Variants in PFDN4 observed in about 807,000 individuals in gnomAD.
PFDN4 encodes prefoldin subunit 4.
A neutral mutation model predicts 17.6 loss-of-function variants in PFDN4; 6 were observed. The observed-to-expected ratio is 0.34, with a 90% confidence interval of 0.19 to 0.67. The LOEUF is 0.67. Ranked by LOEUF, PFDN4 falls within the 30% of genes least tolerant of loss-of-function variation. The pLI is 0.68. For synonymous variants in PFDN4, 48 were observed against 51.1 expected (o/e 0.94, Z 0.26); for missense variants, 119 against 158.4 (o/e 0.75, Z 1.33).
intron 3 of PFDN4, among the ~76,000 whole-genome samples, chr20:54,218,449 A>G (rs6091836): frequency 0.28 from 42,270 of 152,084 alleles, 6,020 homozygotes; most frequent in South Asian, 0.38. Context: ...TAACATGTCT[A>G]TCACCTCAAA....
rs758861080 is a variant in PFDN4, at chr20:54,219,005, TA to T, written c.274-13del. On this transcript the variant is annotated splice_polypyrimidine_tract_variant and intron_variant, in intron 3 of 3. Coordinates refer to ENST00000371419, the MANE Select transcript of PFDN4 (RefSeq NM_002623.4). The stretch of plus-strand genomic sequence containing the variant: ...CCTATTGAATAGAATTAATTTAAAA[TA>T]TTTTTTTTCCAGAAAAATTTGCAAG... 7 of 1,432,918 alleles carry T rather than the reference TA, an allele frequency of 4.9e-6. No homozygotes were observed. Among genetic ancestry groups the T allele is most frequent in the East Asian group, 5.1e-5 (2 of 39,494 alleles). 88.8% of individuals were successfully genotyped at this position (1,432,918 alleles called of 1,614,324 possible).
intron 3 of PFDN4, among the ~76,000 whole-genome samples, chr20:54,217,229 G>A (rs763165681): frequency 6.6e-6 from 1 of 152,106 alleles, no homozygotes; most frequent in African/African-American, 2.4e-5. Flanking sequence ...AGGGCTCCCA[G>A]GGAAAGTGAT....
rs532788572 is a variant in PFDN4 at position 54,208,130 on chromosome 20, T to C, written c.24+6T>C. The C allele has an allele frequency of 5.6e-5, 87 of 1,554,398 alleles. 1 individual carries two copies. In the South Asian group the frequency reaches 7.7e-4, roughly 14 times the overall value. ...CGGCCACCATGAAGAAGGCGGTGAGTGGGGAGCTCGGGGCTCTGGATGCTC... is the reference window on the plus strand; with the variant it reads ...CGGCCACCATGAAGAAGGCGGTGAGCGGGGAGCTCGGGGCTCTGGATGCTC... On this transcript the variant is annotated splice_donor_region_variant and intron_variant, in intron 1 of 3. Coordinates refer to ENST00000371419, the MANE Select transcript of PFDN4 (RefSeq NM_002623.4).
chr20:54,214,737 G>A (rs2092760372), intron 2 of PFDN4, among the ~76,000 whole-genome samples: 1 of 152,148 alleles, frequency 6.6e-6, no homozygotes, highest in Non-Finnish European at 1.5e-5. Flanking sequence ...CCCAGAGTCA[G>A]CTGTCTTCCC....
intron 1 of PFDN4, among the ~76,000 whole-genome samples, chr20:54,210,213 G>T (rs116058974): frequency 5.4e-4 from 83 of 152,324 alleles, no homozygotes; most frequent in African/African-American, 1.9e-3. Context: ...GATGGGAAAA[G>T]AACTTATAGA....
intron 1 of PFDN4, among the ~76,000 whole-genome samples, chr20:54,212,172 G>A (rs1412979733): frequency 2.7e-5 from 4 of 148,376 alleles, no homozygotes; most frequent in East Asian, 2.0e-4. Context: ...CAGCCTGGGC[G>A]ACAGAGTGAG....
Position 54,212,038 on chromosome 20 carries a change from C to T in PFDN4, c.25-2313C>T, listed in dbSNP as rs535864432. Reference sequence around the variant, plus strand: ...TGAAACCCCTTCTCTACTAAAAATACGAAAATTAGCCGGACATGGTGGCAT... The same window carrying T: ...TGAAACCCCTTCTCTACTAAAAATATGAAAATTAGCCGGACATGGTGGCAT... On this transcript the variant is annotated intron_variant, in intron 1 of 3. Coordinates refer to ENST00000371419, the MANE Select transcript of PFDN4 (RefSeq NM_002623.4). Among the ~76,000 whole-genome samples, 297 of 152,116 alleles carry T rather than the reference C, an allele frequency of 2.0e-3. 10 individuals are homozygous for T. The South Asian group carries it at 0.06, about 31-fold the overall frequency.
rs563650122 is a variant in PFDN4, at chr20:54,208,155, C to T, written c.24+31C>T. On this transcript the variant is annotated intron_variant, in intron 1 of 3. Coordinates refer to ENST00000371419, the MANE Select transcript of PFDN4 (RefSeq NM_002623.4). ...TGGGGAGCTCGGGGCTCTGGATGCT[C>T]GGGCGGCGCCGGATCTCGGCCGCTG... 259 of 1,519,752 alleles carry T rather than the reference C, an allele frequency of 1.7e-4. No homozygotes were observed. In the East Asian group the frequency reaches 6.2e-3, roughly 36 times the overall value. The allele number at this position is 1,519,752 out of a possible 1,614,324, so 94.1% of individuals were successfully genotyped here.
At chr20:54,210,357 A>G (rs1393530576) in intron 1 of PFDN4, among the ~76,000 whole-genome samples, 2 of 152,210 alleles carry the variant, frequency 1.3e-5, no homozygotes, top group Non-Finnish European at 2.9e-5. Flanking sequence ...GCTTGCATGT[A>G]CACTTTTCCC....
chr20:54,208,104 G>A lies in PFDN4; in HGVS notation c.4G>A (p.Ala2Thr). The stretch of plus-strand genomic sequence containing the variant: ...CCTGCGGTAGTCCAGTCCCAAGATG[G>A]CGGCCACCATGAAGAAGGCGGTGAG... MAATMKKAAAED... is the reference protein window; with the variant it reads MTATMKKAAAED... The change falls in exon 1 of 4, where the codon GCG becomes ACG. Residue 2 changes from alanine (A) to threonine (T), a missense_variant. Coordinates refer to ENST00000371419, the MANE Select transcript of PFDN4 (RefSeq NM_002623.4). 1.3e-6 allele frequency: 2 copies of A among 1,554,920 alleles called. No homozygotes were observed. The highest frequency in any genetic ancestry group is 1.7e-6 in the Non-Finnish European group (2 of 1,149,524).
chr20:54,219,209 A>G lies in PFDN4; in HGVS notation c.*59A>G. 9.3e-7 allele frequency: 1 copy of G among 1,080,082 alleles called. No individual in the cohort carries two copies. Among genetic ancestry groups the G allele is most frequent in the East Asian group, 3.0e-5 (1 of 32,822 alleles). The allele number at this position is 1,080,082 out of a possible 1,614,324, so 66.9% of individuals were successfully genotyped here. Reference sequence around the variant, plus strand: ...AACTTGAATATTGTTTAAAATGATAATTTTCCTTCTTCAAATGACATGGAA... The same window carrying G: ...AACTTGAATATTGTTTAAAATGATAGTTTTCCTTCTTCAAATGACATGGAA... On this transcript the variant is annotated 3_prime_UTR_variant, in exon 4 of 4. Transcript: ENST00000371419.
At chr20:54,216,761 A>G (rs530824003) in intron 3 of PFDN4, among the ~76,000 whole-genome samples, 1 of 152,122 alleles carries the variant, frequency 6.6e-6, no homozygotes, top group Admixed American at 6.5e-5. Context: ...GGTTCAAACA[A>G]TTCTCCTGCC....
intron 1 of PFDN4, among the ~76,000 whole-genome samples, chr20:54,211,441 T>C (rs895934742): frequency 8.5e-5 from 13 of 152,240 alleles, no homozygotes; most frequent in Non-Finnish European, 1.8e-4. Flanking sequence ...ATAAACAATA[T>C]TCAGGATGTA....
At chr20:54,214,612 T>A (rs1045223053) in intron 2 of PFDN4, among the ~76,000 whole-genome samples, 154 bp downstream of exon 2, 1 of 152,120 alleles carries the variant, frequency 6.6e-6, no homozygotes, top group Non-Finnish European at 1.5e-5. Flanking sequence ...ATTTTTTTTT[T>A]AAGGGATATG....
intron 1 of PFDN4, among the ~76,000 whole-genome samples, chr20:54,212,287 C>G (rs1303952073): frequency 6.6e-6 from 1 of 152,194 alleles, no homozygotes; most frequent in Non-Finnish European, 1.5e-5. Context: ...ACAGAAGCCT[C>G]TGTTAGCCAT....
chr20:54,217,339 A>C (rs1185026036), intron 3 of PFDN4, among the ~76,000 whole-genome samples: 1 of 152,148 alleles, frequency 6.6e-6, no homozygotes, highest in Admixed American at 6.5e-5. Context: ...CGGCCATAGG[A>C]TGACGGTGGT....
chr20:54,214,569 A>G (rs935593491), intron 2 of PFDN4, 111 bp downstream of exon 2: 2 of 576,674 alleles, frequency 3.5e-6, no homozygotes, highest in Non-Finnish European at 6.2e-6. Context: ...TTGCAGATGA[A>G]TGACGCGATC....
Position 54,215,406 on chromosome 20 carries a change from A to T in PFDN4, c.239A>T (p.Gln80Leu), listed in dbSNP as rs891024454. ...QIGDVFISHS[Q>L]EETQEMLEEA... ...GGTGATGTCTTCATTAGCCATTCTC[A>T]AGAAGAAACGCAAGAAATGTTAGAA... Residue 80 changes from glutamine to leucine, a missense_variant, in exon 3 of 4, where the codon CAA (glutamine) becomes CTA (leucine). By Grantham distance (113) the Gln-to-Leu change is moderately radical. This residue lies in a region of PFDN4 where 81 missense variants were observed against 111.7 expected (regional missense o/e 0.73). Transcript: ENST00000371419. The T allele has an allele frequency of 1.2e-6, 2 of 1,603,928 alleles. No homozygotes were observed. Among genetic ancestry groups the T allele is most frequent in the Admixed American group, 3.4e-5 (2 of 59,274 alleles).
chr20:54,215,349 A>G lies in PFDN4; in HGVS notation c.182A>G (p.Asp61Gly), dbSNP rs761103627. 1.4e-5 allele frequency: 22 copies of G among 1,604,924 alleles called. No homozygotes were observed. In the East Asian group the frequency reaches 4.2e-4, roughly 31 times the overall value. The stretch of plus-strand genomic sequence containing the variant: ...GCTTGTGATGACATCATGCTTGCAG[A>G]TGATGATTGCTTAATGATACCTTAT... Reference protein sequence around the residue: ...EDACDDIMLADDDCLMIPYQI... With the variant: ...EDACDDIMLAGDDCLMIPYQI... Residue 61 changes from aspartate (D) to glycine (G), a missense_variant, in exon 3 of 4, where the codon GAT (aspartate) becomes GGT (glycine). This residue lies in a region of PFDN4 where 81 missense variants were observed against 111.7 expected (regional missense o/e 0.73). Coordinates refer to ENST00000371419, the MANE Select transcript of PFDN4 (RefSeq NM_002623.4).
Sources: gnomAD v4.1 joint callset for allele counts (sites outside exome capture counted in the v4.1 genomes callset) on GRCh38, gnomAD v4.1.1 for gene constraint, gnomAD v4.1.1 regional missense constraint, MANE v1.5 for transcripts, NCBI Gene and HGNC (gene_info 2026-07-23, HGNC 2026-07-21) for gene names.